Variants in ITPR1 observed in about 807,000 individuals in gnomAD.
ITPR1 encodes the protein inositol 1,4,5-trisphosphate receptor type 1.
A neutral mutation model predicts 318.4 loss-of-function variants in ITPR1; 96 were observed. That is an observed-to-expected ratio of 0.30 (90% confidence interval 0.26 to 0.36). The LOEUF (loss-of-function observed/expected upper bound fraction) is 0.36. Ranked by LOEUF, ITPR1 falls within the 10% of genes least tolerant of loss-of-function variation. ITPR1 has a pLI of 1.00. For synonymous variants in ITPR1, 1,312 were observed against 1,289.9 expected (o/e 1.02, Z -0.37); for missense variants, 2,440 against 3,460.2 (o/e 0.71, Z 7.40).
At chr3:4,680,527 G>A in intron 24 of ITPR1, 26 bp from the exon 25 acceptor site, 1 of 1,610,050 alleles carries the variant, frequency 6.2e-7, no homozygotes, top group Non-Finnish European at 8.5e-7. Context: ...TAACCAATCT[G>A]TTTCCATTTC....
intron 55 of ITPR1, among the ~76,000 whole-genome samples, chr3:4,810,929 A>G (rs978812697): frequency 2.0e-5 from 3 of 152,204 alleles, no homozygotes; most frequent in African/African-American, 7.2e-5. Flanking sequence ...CTTCTAAATG[A>G]ATGGATGCCA....
chr3:4,687,936 T>C (rs995417745), intron 30 of ITPR1, among the ~76,000 whole-genome samples: 13 of 152,170 alleles, frequency 8.5e-5, no homozygotes, highest in Admixed American at 2.6e-4. Flanking sequence ...CAAAAGTTAA[T>C]GTCTAATAGG....
At chr3:4,528,372 C>G (rs981104015) in intron 4 of ITPR1, among the ~76,000 whole-genome samples, 7 of 152,162 alleles carry the variant, frequency 4.6e-5, no homozygotes, top group Admixed American at 1.3e-4. Flanking sequence ...TAACCTTACC[C>G]TTAGGCCAGA....
At chr3:4,755,177 T>A (rs2044862316) in intron 44 of ITPR1, among the ~76,000 whole-genome samples, 2 of 151,650 alleles carry the variant, frequency 1.3e-5, no homozygotes, top group Non-Finnish European at 2.9e-5. Context: ...TAATTTTTTT[T>A]TTTTTTTTTT....
chr3:4,647,390 T>G (rs1407439775), intron 10 of ITPR1, among the ~76,000 whole-genome samples: 1 of 152,232 alleles, frequency 6.6e-6, no homozygotes, highest in East Asian at 1.9e-4. Context: ...TGGATGTAAC[T>G]TTTCTTCATT....
intron 4 of ITPR1, among the ~76,000 whole-genome samples, chr3:4,603,553 C>T (rs1450831140): frequency 1.3e-5 from 2 of 152,158 alleles, no homozygotes; most frequent in African/African-American, 4.8e-5. Context: ...CCTCAGCCTC[C>T]TGAGTAGCTG....
chr3:4,798,209 A>G (rs965715044), intron 53 of ITPR1, among the ~76,000 whole-genome samples: 5 of 152,258 alleles, frequency 3.3e-5, no homozygotes, highest in Admixed American at 1.3e-4. Flanking sequence ...TATATATCTG[A>G]TAAAAAGCTT....
rs1156474451 is a variant in ITPR1 at position 4,632,929 on chromosome 3, C to CTTTTTTTTTT, written c.279+5070_279+5079dup. ...AAGATTACTGATGTGACTTTCAGGT[C>CTTTTTTTTTT]TTTTTTTTTTTTTTTTTTTTTTTTT... On this transcript the variant is annotated intron_variant, in intron 5 of 61. Coordinates refer to ENST00000649015, the MANE Select transcript of ITPR1 (RefSeq NM_001378452.1). Among the ~76,000 whole-genome samples the CTTTTTTTTTT allele has an allele frequency of 7.6e-5, 5 of 66,030 alleles. 1 individual carries two copies. Among genetic ancestry groups the CTTTTTTTTTT allele is most frequent in the African/African-American group, 2.8e-4 (4 of 14,268 alleles). 43.3% of individuals were successfully genotyped at this position (66,030 alleles called of 152,430 possible).
intron 31 of ITPR1, among the ~76,000 whole-genome samples, chr3:4,689,375 G>A (rs1268953059): frequency 2.6e-5 from 4 of 152,218 alleles, no homozygotes; most frequent in Non-Finnish European, 5.9e-5. Flanking sequence ...TGGATTGTAG[G>A]ATAATATAGG....
intron 37 of ITPR1, 80 bp downstream of exon 37, chr3:4,706,431 C>G (rs1228576624): frequency 7.7e-7 from 1 of 1,293,356 alleles, no homozygotes; most frequent in Non-Finnish European, 1.1e-6. Context: ...CCTTGAGCCA[C>G]AGAGCATCTA....
intron 42 of ITPR1, among the ~76,000 whole-genome samples, chr3:4,728,605 C>T (rs1356471172): frequency 6.6e-6 from 1 of 152,226 alleles, no homozygotes; most frequent in Non-Finnish European, 1.5e-5. Context: ...TCCAATTACA[C>T]TCTTTAAGTT....
intron 13 of ITPR1, among the ~76,000 whole-genome samples, chr3:4,660,611 A>G (rs78503871): frequency 0.019 from 2,876 of 152,158 alleles, 81 homozygotes; most frequent in African/African-American, 0.064. Context: ...TTATTGTTTC[A>G]CTGATCCCTA....
intron 26 of ITPR1, among the ~76,000 whole-genome samples, chr3:4,681,658 T>TGTGTGTGTGTGTGTGTGTCC (rs1553690431): frequency 2.3e-4 from 35 of 149,842 alleles, no homozygotes; most frequent in African/African-American, 6.2e-4. Context: ...TGTGTGTGTG[T>TGTGTGTGTGTGTGTGTGTCC]CCCACCTAGG....
At chr3:4,731,071 T>C (rs1440168270) in intron 42 of ITPR1, among the ~76,000 whole-genome samples, 1 of 152,212 alleles carries the variant, frequency 6.6e-6, no homozygotes, top group Non-Finnish European at 1.5e-5. Flanking sequence ...TTATGATATT[T>C]AAAAAGGGAA....
At chr3:4,746,245 A>C (rs112097492) in intron 44 of ITPR1, among the ~76,000 whole-genome samples, 1 of 152,060 alleles carries the variant, frequency 6.6e-6, no homozygotes, top group African/African-American at 2.4e-5. Context: ...ATGCCCCCCA[A>C]ATGGAACCCT....
intron 4 of ITPR1, among the ~76,000 whole-genome samples, chr3:4,600,134 GT>G (rs770289116): frequency 2.0e-5 from 3 of 152,190 alleles, no homozygotes; most frequent in Non-Finnish European, 2.9e-5. Flanking sequence ...ATACATTTGT[GT>G]TGTATGCATC....
Position 4,653,889 on chromosome 3 carries a change from A to G in ITPR1, c.996+3A>G, listed in dbSNP as rs1386523349. 6.2e-7 allele frequency: 1 copy of G among 1,604,320 alleles called. No homozygotes were observed. The highest frequency in any genetic ancestry group is 2.2e-5 in the East Asian group (1 of 44,788). ...AATGCCTGGAGTTTCAGCCCTCAGTAAGTATGGACAAGAGCCTTCTTGTCT... is the reference window on the plus strand; with the variant it reads ...AATGCCTGGAGTTTCAGCCCTCAGTGAGTATGGACAAGAGCCTTCTTGTCT... On this transcript the variant is annotated splice_donor_region_variant and intron_variant, in intron 12 of 61. Transcript: ENST00000649015.
chr3:4,611,378 G>A (rs2092108278), intron 4 of ITPR1, among the ~76,000 whole-genome samples: 1 of 151,720 alleles, frequency 6.6e-6, no homozygotes. Flanking sequence ...TGGCCAACAT[G>A]GTGAAACCCC....
intron 4 of ITPR1, among the ~76,000 whole-genome samples, chr3:4,590,233 G>T (rs186632721): frequency 7.7e-6 from 1 of 129,100 alleles, no homozygotes; most frequent in African/African-American, 3.0e-5. Flanking sequence ...ACTGTATGTC[G>T]TGTTACTTCC....
Sources: gnomAD v4.1 joint callset for allele counts (sites outside exome capture counted in the v4.1 genomes callset) on GRCh38, gnomAD v4.1.1 for gene constraint, MANE v1.5 for transcripts, NCBI Gene and HGNC (gene_info 2026-07-23, HGNC 2026-07-21) for gene names.